TMEM200A: variants seen among roughly 807,000 people sequenced by gnomAD.
TMEM200A encodes transmembrane protein 200A.
TMEM200A carries 12 observed loss-of-function variants against 24.3 expected under a neutral mutation model. The ratio of observed to expected loss-of-function variants is 0.49; its 90% CI spans 0.32 to 0.80. The LOEUF is 0.80. Ranked by LOEUF, TMEM200A falls within the 30% of genes least tolerant of loss-of-function variation. TMEM200A has a pLI of 0.04. For missense variants in TMEM200A, 545 were observed against 614.4 expected (o/e 0.89, Z 1.19); for synonymous variants, 224 against 224.4 (o/e 1.00, Z 0.02).
intron 2 of TMEM200A, among the ~76,000 whole-genome samples, chr6:130,398,244 G>C (rs764650618): frequency 6.6e-6 from 1 of 152,068 alleles, no homozygotes; most frequent in Non-Finnish European, 1.5e-5. Flanking sequence ...TTCCTGTGTA[G>C]TTCTCTCAGG....
At chr6:130,439,771 G>A (rs1312291278) in intron 2 of TMEM200A, among the ~76,000 whole-genome samples, 1 of 152,136 alleles carries the variant, frequency 6.6e-6, no homozygotes, top group Non-Finnish European at 1.5e-5. Flanking sequence ...GACTGGGGAA[G>A]AGAGAGTGTG....
At chr6:130,414,083 C>T (rs1056488830) in intron 2 of TMEM200A, among the ~76,000 whole-genome samples, 1 of 152,016 alleles carries the variant, frequency 6.6e-6, no homozygotes, top group Admixed American at 6.6e-5. Flanking sequence ...ACAAAACCTG[C>T]TTCTCACTGT....
intron 2 of TMEM200A, among the ~76,000 whole-genome samples, chr6:130,420,056 C>A (rs909561653): frequency 1.6e-4 from 25 of 152,150 alleles, no homozygotes; most frequent in Admixed American, 3.3e-4. Flanking sequence ...CCCTCATGAT[C>A]TAATCACCTC....
At chr6:130,386,320 G>T (rs1234066545) in intron 2 of TMEM200A, among the ~76,000 whole-genome samples, 1 of 152,186 alleles carries the variant, frequency 6.6e-6, no homozygotes, top group Non-Finnish European at 1.5e-5. Flanking sequence ...GCTAAAAGGG[G>T]TAGCCACTGA....
chr6:130,442,448 G>A lies in TMEM200A; in HGVS notation c.*550G>A, dbSNP rs561088136. 1.9e-4 allele frequency: 32 copies of A among 166,076 alleles called. No individual in the cohort carries two copies. The highest frequency in any genetic ancestry group is 7.5e-4 in the African/African-American group (31 of 41,558). The allele number at this position is 166,076 out of a possible 1,614,324, so 10.3% of individuals were successfully genotyped here. On this transcript the variant is annotated 3_prime_UTR_variant, in exon 3 of 3. Transcript: ENST00000296978. ...TGGTTAAGTTCATTGTGAATCTTGA[G>A]TTTTAGATAAGTAGTTATTTTTTTC...
intron 1 of TMEM200A, among the ~76,000 whole-genome samples, chr6:130,369,882 G>GA (rs1387773758): frequency 2.6e-5 from 4 of 152,164 alleles, no homozygotes; most frequent in African/African-American, 9.7e-5. Context: ...ACCAAGGGGG[G>GA]ACAAGTCTCT....
intron 2 of TMEM200A, among the ~76,000 whole-genome samples, chr6:130,389,749 A>G (rs1279435094): frequency 2.0e-5 from 3 of 152,212 alleles, no homozygotes; most frequent in African/African-American, 7.2e-5. Flanking sequence ...AGAGAGATCC[A>G]CAGAACTTCA....
chr6:130,386,914 G>C (rs1197578091), intron 2 of TMEM200A, among the ~76,000 whole-genome samples: 1 of 152,152 alleles, frequency 6.6e-6, no homozygotes, highest in African/African-American at 2.4e-5. Flanking sequence ...ATTACTCCCA[G>C]GCACTCTTTC....
rs376081494 is a variant in TMEM200A at position 130,426,461 on chromosome 6, C to CG, written c.-16-13946_-16-13945insG. Among the ~76,000 whole-genome samples the CG allele has an allele frequency of 3.9e-5, 3 of 76,896 alleles. No homozygotes were observed. The African/African-American group carries it at 4.1e-4, about 11-fold the overall frequency. 50.4% of individuals were successfully genotyped at this position (76,896 alleles called of 152,430 possible). A position where few individuals can be genotyped will look rare whatever the true frequency, so the allele number is the denominator to read the frequency against. On this transcript the variant is annotated intron_variant, in intron 2 of 2. Transcript: ENST00000296978. ...TTAAGGAGAAGAATCCTTTCTGCAG[C>CG]CCCCCCCCCCTCAGTTTCCCTTCAT...
At chr6:130,439,233 T>A (rs1346415356) in intron 2 of TMEM200A, 1 of 152,088 alleles carries the variant, frequency 6.6e-6, no homozygotes, top group African/African-American at 2.4e-5. Context: ...GGAAGACCAG[T>A]TAGGGGGTTA....
At chr6:130,439,593 G>A (rs940920012) in intron 2 of TMEM200A, 2 of 152,226 alleles carry the variant, frequency 1.3e-5, no homozygotes, top group African/African-American at 4.8e-5. Context: ...GGACTCATTA[G>A]CATCAAGGAA....
intron 2 of TMEM200A, among the ~76,000 whole-genome samples, chr6:130,399,767 AT>A (rs140549613): frequency 0.055 from 8,323 of 151,432 alleles, 764 homozygotes; most frequent in African/African-American, 0.19. Flanking sequence ...GATTTGTGAG[AT>A]TTTGGTGCAC....
At chr6:130,415,934 A>G (rs1779438409) in intron 2 of TMEM200A, among the ~76,000 whole-genome samples, 1 of 152,198 alleles carries the variant, frequency 6.6e-6, no homozygotes, top group Non-Finnish European at 1.5e-5. Context: ...AAAGTGTTTT[A>G]TATACCAAAT....
At chr6:130,365,935 A>G (rs927267220), upstream of TMEM200A, 3 of 984,712 alleles carry the variant, frequency 3.0e-6, no homozygotes, top group East Asian at 1.1e-4. Context: ...GCGCGCAGCC[A>G]CGCCCCTGGA....
chr6:130,432,430 T>C (rs112310665), intron 2 of TMEM200A, among the ~76,000 whole-genome samples: 6 of 152,334 alleles, frequency 3.9e-5, no homozygotes, highest in African/African-American at 1.4e-4. Flanking sequence ...CAACTGTCTC[T>C]TACATAAATT....
chr6:130,413,985 G>C (rs1396959576), intron 2 of TMEM200A, among the ~76,000 whole-genome samples: 3 of 152,066 alleles, frequency 2.0e-5, no homozygotes, highest in Non-Finnish European at 4.4e-5. Flanking sequence ...ACTAATTTCT[G>C]TTAGAGTATT....
In TMEM200A at chr6:130,442,159, G is replaced by A; in HGVS notation, c.*261G>A. On this transcript the variant is annotated 3_prime_UTR_variant, in exon 3 of 3. Coordinates refer to ENST00000296978, the MANE Select transcript of TMEM200A (RefSeq NM_001258277.2). ...TTATTAATATGAATGCAAAATGCTT[G>A]CATCCAAATTAAAGCTTATTTTCTT... 6.1e-6 allele frequency: 2 copies of A among 327,770 alleles called. 1 individual carries two copies. Among genetic ancestry groups the A allele is most frequent in the South Asian group, 1.7e-4 (2 of 12,010 alleles). 20.3% of individuals were successfully genotyped at this position (327,770 alleles called of 1,614,324 possible).
intron 1 of TMEM200A, among the ~76,000 whole-genome samples, chr6:130,379,278 A>G (rs974831419): frequency 1.6e-4 from 24 of 152,332 alleles, no homozygotes; most frequent in African/African-American, 5.8e-4. Flanking sequence ...TACAATTTAG[A>G]AAAGGAGAAG....
intron 1 of TMEM200A, among the ~76,000 whole-genome samples, chr6:130,377,822 TTTG>T (rs1459631154): frequency 6.6e-6 from 1 of 152,204 alleles, no homozygotes; most frequent in Non-Finnish European, 1.5e-5. Flanking sequence ...ACATGTATAA[TTTG>T]TTGTGACAAA....
Sources: allele counts gnomAD v4.1 joint callset (sites outside exome capture counted in the v4.1 genomes callset), GRCh38; gene constraint gnomAD v4.1.1; transcripts MANE v1.5; gene names NCBI Gene and HGNC (gene_info 2026-07-23, HGNC 2026-07-21).